Variants in SLC39A11 observed in about 807,000 individuals in gnomAD.
SLC39A11 encodes zinc transporter ZIP11.
SLC39A11 carries 33 observed loss-of-function variants against 36.1 expected under a neutral mutation model. That is an observed-to-expected ratio of 0.91 (90% CI 0.69 to 1.22). The LOEUF (loss-of-function observed/expected upper bound fraction) is 1.22, where lower values mean the gene tolerates loss of function less well. Among genes scored for constraint, SLC39A11 ranks in the 50% most tolerant of loss-of-function variants. The pLI is 0.00. For missense variants in SLC39A11, 432 were observed against 430.3 expected (o/e 1.00, Z -0.03); for synonymous variants, 166 against 170.3 (o/e 0.97, Z 0.20).
At chr17:73,076,965 A>T in intron 3 of SLC39A11, among the ~76,000 whole-genome samples, 1 of 151,948 alleles carries the variant, frequency 6.6e-6, no homozygotes, top group Admixed American at 6.6e-5. Context: ...GCAGGATGTT[A>T]AGTAGCATCC....
At chr17:73,056,177 G>T (rs12949942) in intron 3 of SLC39A11, among the ~76,000 whole-genome samples, 123,580 of 149,852 alleles carry the variant, frequency 0.82, 51,243 homozygotes, top group East Asian at 0.94. Context: ...TTGTTTGTTT[G>T]TTTTTTTTTG....
At chr17:72,743,182 G>C (rs2074782779) in intron 6 of SLC39A11, among the ~76,000 whole-genome samples, 1 of 152,110 alleles carries the variant, frequency 6.6e-6, no homozygotes, top group African/African-American at 2.4e-5. Context: ...GCCTGCCCTA[G>C]GTGACCCAGC....
intron 4 of SLC39A11, among the ~76,000 whole-genome samples, chr17:72,958,026 C>G (rs1283971516): frequency 6.6e-6 from 1 of 152,132 alleles, no homozygotes; most frequent in East Asian, 1.9e-4. Flanking sequence ...ACACATAGAC[C>G]GATGGAACAG....
chr17:72,741,209 C>T (rs1478921584), intron 6 of SLC39A11, among the ~76,000 whole-genome samples: 3 of 151,958 alleles, frequency 2.0e-5, no homozygotes, highest in South Asian at 2.1e-4. Context: ...ATATCGTTTA[C>T]AAAATGTTTT....
At chr17:72,654,412 C>T (rs918697074) in intron 7 of SLC39A11, among the ~76,000 whole-genome samples, 2 of 152,234 alleles carry the variant, frequency 1.3e-5, no homozygotes, top group Non-Finnish European at 2.9e-5. Context: ...CCTGTTCTCG[C>T]AGCTTCTGCT....
At chr17:72,924,162 A>ATAT (rs2083885428) in intron 5 of SLC39A11, among the ~76,000 whole-genome samples, 2 of 120,544 alleles carry the variant, frequency 1.7e-5, no homozygotes, top group Non-Finnish European at 3.2e-5. Flanking sequence ...AAAAAAAAAA[A>ATAT]TTTTTTTTTT....
intron 5 of SLC39A11, 88 bp from the exon 6 acceptor site, chr17:72,849,892 G>T: frequency 2.3e-6 from 3 of 1,286,580 alleles, no homozygotes; most frequent in Non-Finnish European, 3.1e-6. Flanking sequence ...ACAGCAGGAA[G>T]AAGCTTCTTT....
intron 5 of SLC39A11, among the ~76,000 whole-genome samples, chr17:72,871,006 A>G (rs2080583808): frequency 6.6e-6 from 1 of 151,832 alleles, no homozygotes; most frequent in Non-Finnish European, 1.5e-5. Context: ...GTTATTCATA[A>G]CAAGCCCTTT....
intron 7 of SLC39A11, among the ~76,000 whole-genome samples, chr17:72,706,458 T>G (rs1479931661): frequency 6.6e-6 from 1 of 152,184 alleles, no homozygotes; most frequent in Non-Finnish European, 1.5e-5. Flanking sequence ...TTGCCAACTC[T>G]GTAGTGTTCC....
At chr17:72,972,864 G>A (rs1490119777) in intron 4 of SLC39A11, among the ~76,000 whole-genome samples, 3 of 152,040 alleles carry the variant, frequency 2.0e-5, no homozygotes, top group African/African-American at 4.8e-5. Context: ...TCAAGTTTTG[G>A]CCAACCCTCC....
rs1464690130 is a variant in SLC39A11 at position 72,862,199 on chromosome 17, C to T, written c.431-12395G>A. Reference sequence around the variant, plus strand: ...TGCCCAAGAGACTTAAGGTTCCACACAGACTCCCAGTGCAGGGAGGCTAAA... The same window carrying T: ...TGCCCAAGAGACTTAAGGTTCCACATAGACTCCCAGTGCAGGGAGGCTAAA... On this transcript the variant is annotated intron_variant, in intron 5 of 9. Transcript: ENST00000255559. Among the ~76,000 whole-genome samples the T allele has an allele frequency of 2.0e-5, 3 of 152,260 alleles. No individual in the cohort carries two copies. The East Asian group carries it at 5.8e-4, about 29-fold the overall frequency.
intron 4 of SLC39A11, among the ~76,000 whole-genome samples, chr17:72,984,161 C>T (rs2088539200): frequency 2.6e-5 from 4 of 152,052 alleles, no homozygotes; most frequent in South Asian, 4.1e-4. Flanking sequence ...TTGCCACTAT[C>T]AGCAGCAAAA....
intron 5 of SLC39A11, among the ~76,000 whole-genome samples, chr17:72,926,296 C>A (rs1010369600): frequency 6.6e-6 from 1 of 152,236 alleles, no homozygotes; most frequent in Non-Finnish European, 1.5e-5. Flanking sequence ...TCTCTTCTCA[C>A]TGCATTCTTA....
chr17:72,724,354 CA>C (rs1411614031), intron 7 of SLC39A11, among the ~76,000 whole-genome samples: 1 of 152,056 alleles, frequency 6.6e-6, no homozygotes, highest in African/African-American at 2.4e-5. Context: ...GATAATTTTC[CA>C]AAAGCTTGCT....
chr17:72,653,436 CTTTTCT>C (rs1278591595), intron 7 of SLC39A11, among the ~76,000 whole-genome samples: 147 of 108,110 alleles, frequency 1.4e-3, no homozygotes, highest in Middle Eastern at 5.3e-3. Flanking sequence ...CTTTTCTTTT[CTTTTCT>C]TTTTTTTTTT....
chr17:72,685,587 T>G (rs182933810), intron 7 of SLC39A11, among the ~76,000 whole-genome samples: 15 of 152,362 alleles, frequency 9.8e-5, no homozygotes, highest in African/African-American at 3.6e-4. Context: ...AGTTTTCATC[T>G]GACCTGGGTT....
intron 4 of SLC39A11, among the ~76,000 whole-genome samples, chr17:73,030,993 A>C (rs567725633): frequency 1.3e-5 from 2 of 152,296 alleles, no homozygotes; most frequent in East Asian, 1.9e-4. Flanking sequence ...ACATTTTTAA[A>C]ATTTTACTGT....
At chr17:72,721,335 G>A (rs1361168324) in intron 7 of SLC39A11, among the ~76,000 whole-genome samples, 1 of 152,098 alleles carries the variant, frequency 6.6e-6, no homozygotes, top group East Asian at 1.9e-4. Flanking sequence ...GACCTCAGGT[G>A]ATCTGCCCAC....
chr17:72,859,649 A>G (rs1162705622), intron 5 of SLC39A11, among the ~76,000 whole-genome samples: 1 of 151,314 alleles, frequency 6.6e-6, no homozygotes, highest in Non-Finnish European at 1.5e-5. Context: ...TGTAAAATCT[A>G]TGCAGGATGT....
Sources: gnomAD v4.1 joint callset for allele counts (sites outside exome capture counted in the v4.1 genomes callset) on GRCh38, gnomAD v4.1.1 for gene constraint, MANE v1.5 for transcripts, NCBI Gene and HGNC (gene_info 2026-07-23, HGNC 2026-07-21) for gene names.